The following ZDHHC2 variants were observed in gnomAD, a reference collection of about 807,000 sequenced individuals.
ZDHHC2 encodes the protein palmitoyltransferase ZDHHC2.
A neutral mutation model predicts 55.6 loss-of-function variants in ZDHHC2; 51 were observed. That is an observed-to-expected ratio of 0.92 (90% CI 0.73 to 1.16). The LOEUF (loss-of-function observed/expected upper bound fraction) is 1.16. Among genes scored for constraint, ZDHHC2 ranks in the 50% most tolerant of loss-of-function variants. The pLI is 0.00. For missense variants in ZDHHC2, 491 were observed against 442.4 expected, an observed-to-expected ratio of 1.11 and a Z score of -0.99; for synonymous variants, 199 against 152.9, an observed-to-expected ratio of 1.30 and a Z score of -2.22.
intron 8 of ZDHHC2, among the ~76,000 whole-genome samples, chr8:17,208,868 T>C (rs532815389): frequency 1.3e-5 from 2 of 152,284 alleles, no homozygotes; most frequent in South Asian, 4.1e-4. Flanking sequence ...CTTGTAGCAC[T>C]GAAAGGACTT....
At chr8:17,216,177 C>T (rs1191945359) in intron 11 of ZDHHC2, among the ~76,000 whole-genome samples, 1 of 152,154 alleles carries the variant, frequency 6.6e-6, no homozygotes, top group Non-Finnish European at 1.5e-5. Flanking sequence ...TTTTCTCCTT[C>T]GTTTCTAGTC....
intron 8 of ZDHHC2, among the ~76,000 whole-genome samples, chr8:17,209,594 T>C (rs1450921714): frequency 1.3e-5 from 2 of 152,158 alleles, no homozygotes; most frequent in African/African-American, 4.8e-5. Flanking sequence ...TGTAGATCTA[T>C]GTTTATGGAT....
chr8:17,187,620 G>A (rs982737887), intron 3 of ZDHHC2, among the ~76,000 whole-genome samples: 4 of 151,890 alleles, frequency 2.6e-5, no homozygotes, highest in African/African-American at 9.7e-5. Flanking sequence ...TTCTATCCCA[G>A]TCTTTTTTTT....
intron 7 of ZDHHC2, among the ~76,000 whole-genome samples, chr8:17,206,167 C>CA (rs913814952): frequency 1.2e-4 from 18 of 152,110 alleles, no homozygotes; most frequent in African/African-American, 3.9e-4. Flanking sequence ...ATTTTGCTGT[C>CA]AAAAAATCTT....
chr8:17,177,929 A>G (rs1417062129), intron 1 of ZDHHC2, among the ~76,000 whole-genome samples: 4 of 152,248 alleles, frequency 2.6e-5, no homozygotes, highest in African/African-American at 9.6e-5. Context: ...TTTGAAGACA[A>G]GAAAAAGAAA....
chr8:17,213,565 T>C (rs946551866), intron 10 of ZDHHC2, among the ~76,000 whole-genome samples: 1 of 152,158 alleles, frequency 6.6e-6, no homozygotes, highest in Non-Finnish European at 1.5e-5. Context: ...ATTTTTTTGA[T>C]TGTTATAGCT....
intron 4 of ZDHHC2, 51 bp downstream of exon 4, chr8:17,195,675 A>C (rs2150922406): frequency 1.2e-6 from 2 of 1,606,582 alleles, no homozygotes; most frequent in East Asian, 4.5e-5. Flanking sequence ...AACATCATTA[A>C]GGTGACTGTA....
At chr8:17,203,735 A>G (rs949884505) in intron 6 of ZDHHC2, among the ~76,000 whole-genome samples, 1 of 151,306 alleles carries the variant, frequency 6.6e-6, no homozygotes, top group African/African-American at 2.4e-5. Flanking sequence ...GCATCCCCCC[A>G]CTGGAACCTC....
rs1305457602 is a variant in ZDHHC2 at position 17,222,664 on chromosome 8, AATC to A, written c.*2446_*2448del. 6.6e-6 allele frequency: 1 copy of A among 151,896 alleles called. No homozygotes were observed. The highest frequency in any genetic ancestry group is 6.6e-5 in the Admixed American group (1 of 15,232). The allele number at this position is 151,896 out of a possible 1,614,324, so 9.4% of individuals were successfully genotyped here. On this transcript the variant is annotated 3_prime_UTR_variant, in exon 13 of 13. Coordinates refer to ENST00000262096, the MANE Select transcript of ZDHHC2 (RefSeq NM_016353.5). ...TTAAAGAACAGTTGCATCTGAATATAATCATGATGCATTCAATGAAGTTCATAT... is the reference window on the plus strand; with the variant it reads ...TTAAAGAACAGTTGCATCTGAATATAATGATGCATTCAATGAAGTTCATAT...
At chr8:17,190,914 G>A (rs1027663014) in intron 3 of ZDHHC2, among the ~76,000 whole-genome samples, 2 of 144,330 alleles carry the variant, frequency 1.4e-5, no homozygotes, top group Non-Finnish European at 3.0e-5. Flanking sequence ...GATTGTAGCC[G>A]CCCTATTGTG....
At chr8:17,184,939 G>T in intron 2 of ZDHHC2, 124 bp downstream of exon 2, 1 of 804,304 alleles carries the variant, frequency 1.2e-6, no homozygotes, top group Non-Finnish European at 1.9e-6. Flanking sequence ...TAGGGTTAAA[G>T]ATGTCTCATT....
At chr8:17,174,884 G>A (rs1585661001) in intron 1 of ZDHHC2, among the ~76,000 whole-genome samples, 1 of 151,212 alleles carries the variant, frequency 6.6e-6, no homozygotes, top group Admixed American at 6.6e-5. Flanking sequence ...CTAATTGTGG[G>A]GTTTTTTTTG....
In ZDHHC2 at chr8:17,156,727, G is replaced by T; in HGVS notation, c.4G>T (p.Ala2Ser). M[A>S]PSGPGSSARR... ...GGCAGGTGGATGCGGCTGGAAGATG[G>T]CGCCCTCGGGCCCGGGCAGCAGCGC... The change falls in exon 1 of 13, where the codon GCG (alanine) becomes TCG (serine). Residue 2 changes from alanine (A) to serine (S), a missense_variant. By Grantham distance (99) the Ala-to-Ser change is moderately conservative (BLOSUM62 1). Coordinates refer to ENST00000262096, the MANE Select transcript of ZDHHC2 (RefSeq NM_016353.5). 2.0e-6 allele frequency: 3 copies of T among 1,474,442 alleles called. No individual in the cohort carries two copies. Among genetic ancestry groups the T allele is most frequent in the South Asian group, 1.3e-5 (1 of 78,202 alleles). 91.3% of individuals were successfully genotyped at this position (1,474,442 alleles called of 1,614,324 possible).
intron 1 of ZDHHC2, among the ~76,000 whole-genome samples, chr8:17,182,344 G>A (rs1333026708): frequency 6.6e-6 from 1 of 152,104 alleles, no homozygotes; most frequent in Non-Finnish European, 1.5e-5. Context: ...CAATCATAGT[G>A]TTTTAAAAAT....
Position 17,168,726 on chromosome 8 carries a change from A to G in ZDHHC2, c.130+11873A>G, listed in dbSNP as rs562118082. Among the ~76,000 whole-genome samples the G allele has an allele frequency of 9.9e-5, 15 of 151,994 alleles. No individual in the cohort carries two copies. The South Asian group carries it at 1.7e-3, about 17-fold the overall frequency. On this transcript the variant is annotated intron_variant, in intron 1 of 12. Transcript: ENST00000262096. ...GAGTCCAACTGTCCAGGTAGCTCCTATGAGTGGAATCATACAATATTTGTC... is the reference window on the plus strand; with the variant it reads ...GAGTCCAACTGTCCAGGTAGCTCCTGTGAGTGGAATCATACAATATTTGTC...
intron 1 of ZDHHC2, among the ~76,000 whole-genome samples, chr8:17,160,509 A>G (rs1450724976): frequency 1.3e-5 from 2 of 152,348 alleles, no homozygotes; most frequent in East Asian, 1.9e-4. Context: ...CACAAGTTCA[A>G]TGTCCTTCCT....
At chr8:17,210,984 G>A (rs766921124) in intron 10 of ZDHHC2, among the ~76,000 whole-genome samples, 5 of 152,100 alleles carry the variant, frequency 3.3e-5, no homozygotes, top group African/African-American at 1.2e-4. Flanking sequence ...GATTATCTGA[G>A]CCATTTCTGT....
At chr8:17,205,350 TGATACG>T (rs1360875874) in intron 6 of ZDHHC2, among the ~76,000 whole-genome samples, 25 of 152,386 alleles carry the variant, frequency 1.6e-4, no homozygotes, top group African/African-American at 5.8e-4. Context: ...CTGCCTGGCC[TGATACG>T]GTTTCTCGCA....
chr8:17,185,256 A>G (rs1390546367), intron 2 of ZDHHC2, among the ~76,000 whole-genome samples: 1 of 152,256 alleles, frequency 6.6e-6, no homozygotes, highest in South Asian at 2.1e-4. Context: ...AATGCCAAAT[A>G]TGCTATATTT....
Sources: gnomAD v4.1 joint callset for allele counts (sites outside exome capture counted in the v4.1 genomes callset) on GRCh38, gnomAD v4.1.1 for gene constraint, MANE v1.5 for transcripts, NCBI Gene and HGNC (gene_info 2026-07-23, HGNC 2026-07-21) for gene names.